Variants in ZNF800 observed in about 807,000 individuals in gnomAD.
ZNF800 encodes the protein zinc finger protein 800.
In ZNF800, 13 loss-of-function variants were observed where a neutral mutation model predicts 59.5. The ratio of observed to expected loss-of-function variants is 0.22; its 90% CI spans 0.14 to 0.35. The LOEUF is 0.35. Among genes scored for constraint, ZNF800 ranks in the 10% least tolerant of loss-of-function variants. ZNF800 has a pLI of 1.00. For synonymous variants in ZNF800, 266 were observed against 265.7 expected (o/e 1.00, Z -0.01); for missense variants, 621 against 783.7 (o/e 0.79, Z 2.48).
At chr7:127,383,253 G>A (rs967202548) in intron 3 of ZNF800, among the ~76,000 whole-genome samples, 8 of 151,856 alleles carry the variant, frequency 5.3e-5, no homozygotes, top group Non-Finnish European at 1.0e-4. Context: ...GTAGGCAGAA[G>A]GTGAGACACA....
At chr7:127,376,321 C>T (rs1468994443) in intron 4 of ZNF800, among the ~76,000 whole-genome samples, 7 of 151,998 alleles carry the variant, frequency 4.6e-5, no homozygotes, top group East Asian at 3.9e-4. Flanking sequence ...AATGCATCTA[C>T]GCTTTCAGAC....
intron 3 of ZNF800, 22 bp downstream of exon 3, chr7:127,386,038 A>C: frequency 6.4e-7 from 1 of 1,563,016 alleles, no homozygotes; most frequent in Non-Finnish European, 8.8e-7. Context: ...AGATTGAAAA[A>C]TATATCCTAA....
chr7:127,381,868 G>A (rs1800987107), intron 3 of ZNF800, among the ~76,000 whole-genome samples: 1 of 151,686 alleles, frequency 6.6e-6, no homozygotes, highest in Admixed American at 6.6e-5. Flanking sequence ...TCAGAATCAG[G>A]ACTGAAGCAT....
At chr7:127,362,498 C>T (rs1423021672) in intron 1 of ZNF800, 1 of 152,156 alleles carries the variant, frequency 6.6e-6, no homozygotes, top group Non-Finnish European at 1.5e-5. Context: ...GCCTTTGCTA[C>T]TTGGTATCTG....
Position 127,374,069 on chromosome 7 carries a change from T to C in ZNF800, c.1267A>G (p.Ile423Val), listed in dbSNP as rs1800712405. ...ADSVESSPPS[I>V]THSPQNELKG... ...AATTCATTCTGTGGAGAATGGGTAA[T>C]GGAAGGGGGTGAAGATTCTACAGAA... The change falls in exon 5 of 6, where the codon ATT becomes GTT. Residue 423 changes from isoleucine (I) to valine (V), a missense_variant. Ile to Val is a conservative substitution (Grantham distance 29). Transcript: ENST00000265827. 1 of 1,614,126 alleles carries C rather than the reference T, an allele frequency of 6.2e-7. No homozygotes were observed. The highest frequency in any genetic ancestry group is 2.2e-5 in the East Asian group (1 of 44,888).
chr7:127,345,303 C>T (rs189997083), downstream of ZNF800, among the ~76,000 whole-genome samples: 193 of 151,732 alleles, frequency 1.3e-3, 1 homozygote, highest in African/African-American at 4.4e-3. Context: ...AGACCCCCCC[C>T]CCAAAGGTAA....
In ZNF800 at chr7:127,374,626, T is replaced by A. The variant is rs573705741; in HGVS notation, c.710A>T (p.Lys237Ile). ...AACACCTCGTCTAGAATTGAATTCT[T>A]TTCTACAAAGACAACATATCAACTG... The part of the protein sequence containing the change: ...GHQLICCLCR[K>I]EFNSRRGVRR... Residue 237 changes from lysine (K) to isoleucine (I), a missense_variant, in exon 5 of 6, where the codon AAA becomes ATA. Lys to Ile is a moderately radical substitution (Grantham distance 102). This residue lies in a region of ZNF800 where 218 missense variants were observed against 230.8 expected (regional missense o/e 0.94). Transcript: ENST00000265827. 10 of 1,614,126 alleles carry A rather than the reference T, an allele frequency of 6.2e-6. No homozygotes were observed. The South Asian group carries it at 1.1e-4, about 18-fold the overall frequency.
At chr7:127,345,754 G>T (rs927429774), downstream of ZNF800, among the ~76,000 whole-genome samples, 2 of 152,194 alleles carry the variant, frequency 1.3e-5, no homozygotes, top group Non-Finnish European at 2.9e-5. Context: ...TTGTGAGAAA[G>T]GTTGTTGCTA....
rs1800618330 is a variant in ZNF800, at chr7:127,370,941, C to T, written c.*873G>A. The T allele has an allele frequency of 1.3e-5, 2 of 152,398 alleles. No individual in the cohort carries two copies. Among genetic ancestry groups the T allele is most frequent in the African/African-American group, 2.4e-5 (1 of 41,368 alleles). 9.4% of individuals were successfully genotyped at this position (152,398 alleles called of 1,614,324 possible). The stretch of plus-strand genomic sequence containing the variant: ...TTGTAGCAATATTTAAGGAAATAAA[C>T]TAGTATCATAAGAAGTGGTTGTGCA... On this transcript the variant is annotated 3_prime_UTR_variant, in exon 6 of 6. Transcript: ENST00000265827.
intron 1 of ZNF800, chr7:127,364,223 A>G (rs181389078): frequency 1.0e-3 from 156 of 152,268 alleles, no homozygotes; most frequent in African/African-American, 3.5e-3. Flanking sequence ...AGAAGCCACT[A>G]GATTTCACAT....
At chr7:127,387,776 G>A (rs780793935) in intron 2 of ZNF800, among the ~76,000 whole-genome samples, 33 of 152,026 alleles carry the variant, frequency 2.2e-4, no homozygotes, top group Non-Finnish European at 3.7e-4. Flanking sequence ...TGGGAGGATC[G>A]TTTGAGCCCG....
At position 127,390,337 on chromosome 7, in the gene ZNF800, T is replaced by TAA. The variant is rs1011770737; in HGVS notation, c.61+1158_61+1159dup. On this transcript the variant is annotated intron_variant, in intron 2 of 5. Transcript: ENST00000265827. ...TGCAGTGTGAAAGGATCCTGAAAGT[T>TAA]AAACAGGTCAAGAGCAGTTCAATAG... 1.3e-4 allele frequency among the ~76,000 whole-genome samples: 20 copies of TAA among 152,210 alleles called. 1 individual carries two copies. The highest frequency in any genetic ancestry group is 6.5e-5 in the Admixed American group (1 of 15,286).
Position 127,391,631 on chromosome 7 carries a change from C to G in ZNF800, c.-58-16G>C. Reference sequence around the variant, plus strand: ...TGCGGCGTGGCTGTTGAAAGAAGCACAAACCCGTCACTCGCCCTGAACTTC... The same window carrying G: ...TGCGGCGTGGCTGTTGAAAGAAGCAGAAACCCGTCACTCGCCCTGAACTTC... On this transcript the variant is annotated splice_polypyrimidine_tract_variant and intron_variant, in intron 1 of 5. Coordinates refer to ENST00000265827, the MANE Select transcript of ZNF800 (RefSeq NM_176814.5). The G allele has an allele frequency of 7.1e-7, 1 of 1,401,594 alleles. No homozygotes were observed. Among genetic ancestry groups the G allele is most frequent in the Non-Finnish European group, 1.0e-6 (1 of 988,980 alleles). The allele number at this position is 1,401,594 out of a possible 1,614,324, so 86.8% of individuals were successfully genotyped here.
Position 127,377,164 on chromosome 7 carries a change from T to C in ZNF800, c.301+22A>G, listed in dbSNP as rs559457123. Reference sequence around the variant, plus strand: ...AATACTTAGCTGTAAAATGCATAACTGAGTATATGAATAAAACTTACTGTC... The same window carrying C: ...AATACTTAGCTGTAAAATGCATAACCGAGTATATGAATAAAACTTACTGTC... On this transcript the variant is annotated intron_variant, in intron 4 of 5. Transcript: ENST00000265827. The surrounding 1 kb of genome is among the most constrained non-coding windows in gnomAD (Gnocchi z 4.7). 6.3e-7 allele frequency: 1 copy of C among 1,595,916 alleles called. No homozygotes were observed. Among genetic ancestry groups the C allele is most frequent in the African/African-American group, 1.4e-5 (1 of 74,056 alleles).
chr7:127,391,659 G>C (rs935625906), intron 1 of ZNF800, 44 bp from the exon 2 acceptor site: 8 of 1,018,386 alleles, frequency 7.9e-6, no homozygotes, highest in East Asian at 7.4e-5. Flanking sequence ...TGAACTTCCT[G>C]GGGGGCACTG....
chr7:127,388,595 A>C (rs1379724372), intron 2 of ZNF800, among the ~76,000 whole-genome samples: 1 of 18,928 alleles, frequency 5.3e-5, no homozygotes, highest in Non-Finnish European at 8.8e-5. Flanking sequence ...GCATTTACAA[A>C]TGTGTTCCAT....
chr7:127,392,085 C>T lies in ZNF800; in HGVS notation c.-84G>A. The T allele has an allele frequency of 2.6e-6, 1 of 392,096 alleles. No individual in the cohort carries two copies. Among genetic ancestry groups the T allele is most frequent in the Non-Finnish European group, 4.5e-6 (1 of 222,000 alleles). The allele number at this position is 392,096 out of a possible 1,614,324, so 24.3% of individuals were successfully genotyped here. ...TCAACTCTTAGGGCGGGCCGGCGGGCGGGCGGAAGGAAGGAAGGCAGGCCG... is the reference window on the plus strand; with the variant it reads ...TCAACTCTTAGGGCGGGCCGGCGGGTGGGCGGAAGGAAGGAAGGCAGGCCG... On this transcript the variant is annotated 5_prime_UTR_variant, in exon 1 of 6. Transcript: ENST00000265827.
At chr7:127,386,306 T>G (rs1309374304) in intron 2 of ZNF800, 151 bp from the exon 3 acceptor site, 2 of 435,424 alleles carry the variant, frequency 4.6e-6, no homozygotes, top group Admixed American at 4.0e-5. Flanking sequence ...AATATGTAGA[T>G]ATATATATAA....
chr7:127,389,056 A>G (rs1041828486), intron 2 of ZNF800, among the ~76,000 whole-genome samples: 2 of 152,182 alleles, frequency 1.3e-5, no homozygotes, highest in Admixed American at 6.5e-5. Flanking sequence ...TTCCCAGAAT[A>G]TAACATTGAC....
Sources: allele counts gnomAD v4.1 joint callset (sites outside exome capture counted in the v4.1 genomes callset), GRCh38; gene constraint gnomAD v4.1.1; regional missense constraint gnomAD v4.1.1; non-coding constraint Gnocchi (gnomAD v3.1); transcripts MANE v1.5; gene names NCBI Gene and HGNC (gene_info 2026-07-23, HGNC 2026-07-21).